Variants in TMEM117 observed in about 807,000 individuals in gnomAD.
The protein encoded by TMEM117 is transmembrane protein 117.
TMEM117 carries 27 observed loss-of-function variants against 52.4 expected under a neutral mutation model. The ratio of observed to expected loss-of-function variants is 0.51; its 90% confidence interval spans 0.38 to 0.71. TMEM117 has a LOEUF of 0.71. TMEM117 is among the 30% of genes least tolerant of loss of function. The pLI, the probability that TMEM117 is intolerant of heterozygous loss-of-function variation, is 0.00. For synonymous variants in TMEM117, 215 were observed against 206.3 expected, an observed-to-expected ratio of 1.04 and a Z score of -0.36; for missense variants, 556 against 630.5, an observed-to-expected ratio of 0.88 and a Z score of 1.26.
At chr12:44,231,350 A>G (rs1445080154) in intron 5 of TMEM117, among the ~76,000 whole-genome samples, 1 of 151,774 alleles carries the variant, frequency 6.6e-6, no homozygotes, top group Non-Finnish European at 1.5e-5. Flanking sequence ...ATTACATTGT[A>G]TGAACATAGC....
At chr12:44,280,048 A>G (rs1179585901) in intron 5 of TMEM117, among the ~76,000 whole-genome samples, 3 of 152,186 alleles carry the variant, frequency 2.0e-5, no homozygotes, top group Non-Finnish European at 4.4e-5. Context: ...AAAAGCAGTA[A>G]TATTCAAGAT....
chr12:44,069,737 T>G (rs1947273093), intron 3 of TMEM117, among the ~76,000 whole-genome samples: 1 of 152,218 alleles, frequency 6.6e-6, no homozygotes, highest in African/African-American at 2.4e-5. Flanking sequence ...AGGAATATAT[T>G]TGTCTGTAAG....
intron 6 of TMEM117, among the ~76,000 whole-genome samples, chr12:44,340,741 A>G (rs1194671325): frequency 1.3e-5 from 2 of 152,106 alleles, no homozygotes; most frequent in Admixed American, 6.6e-5. Flanking sequence ...ACAAGCATCT[A>G]TATGCTTACA....
At chr12:44,025,024 CA>C (rs1222719866) in intron 3 of TMEM117, among the ~76,000 whole-genome samples, 1 of 152,164 alleles carries the variant, frequency 6.6e-6, no homozygotes, top group East Asian at 1.9e-4. Flanking sequence ...TGCTCCACCA[CA>C]TACATAATAG....
intron 4 of TMEM117, among the ~76,000 whole-genome samples, chr12:44,156,883 T>G (rs1332920539): frequency 6.6e-6 from 1 of 152,074 alleles, no homozygotes; most frequent in Non-Finnish European, 1.5e-5. Context: ...CAGAGTTAAG[T>G]CTAGAACTTG....
chr12:44,352,927 T>C (rs1951586004), intron 6 of TMEM117, among the ~76,000 whole-genome samples: 1 of 152,120 alleles, frequency 6.6e-6, no homozygotes, highest in African/African-American at 2.4e-5. Context: ...GTTAAAGTGT[T>C]CCTATTTCTC....
chr12:43,883,235 T>C (rs1368065791), intron 2 of TMEM117, among the ~76,000 whole-genome samples: 1 of 152,168 alleles, frequency 6.6e-6, no homozygotes, highest in Admixed American at 6.5e-5. Context: ...TCTCAAGAAG[T>C]GATTTTAGTT....
At chr12:44,279,155 G>A (rs1294519634) in intron 5 of TMEM117, among the ~76,000 whole-genome samples, 2 of 152,152 alleles carry the variant, frequency 1.3e-5, no homozygotes, top group Non-Finnish European at 2.9e-5. Context: ...TAAAGTCAAA[G>A]TCAAAAGCTA....
At chr12:43,972,097 C>T (rs1945597331) in intron 3 of TMEM117, among the ~76,000 whole-genome samples, 1 of 152,152 alleles carries the variant, frequency 6.6e-6, no homozygotes, top group African/African-American at 2.4e-5. Flanking sequence ...GCCTAATAGG[C>T]ACAGCTGAAG....
intron 5 of TMEM117, among the ~76,000 whole-genome samples, chr12:44,214,168 A>G (rs1949685690): frequency 2.4e-5 from 3 of 122,886 alleles, no homozygotes; most frequent in South Asian, 5.6e-4. Flanking sequence ...TTTTTTTAAG[A>G]CAGAATCTCA....
intron 2 of TMEM117, among the ~76,000 whole-genome samples, chr12:43,861,195 G>A (rs771502484): frequency 6.6e-6 from 1 of 152,214 alleles, no homozygotes; most frequent in Non-Finnish European, 1.5e-5. Context: ...AGGCAGCCAT[G>A]TGGGGAAGTC....
intron 2 of TMEM117, among the ~76,000 whole-genome samples, chr12:43,894,965 A>G (rs1366352520): frequency 6.6e-6 from 1 of 152,174 alleles, no homozygotes; most frequent in Non-Finnish European, 1.5e-5. Flanking sequence ...CAATGGGTTT[A>G]TTAATTGTGA....
At chr12:44,220,168 T>C (rs910714923) in intron 5 of TMEM117, among the ~76,000 whole-genome samples, 9 of 152,294 alleles carry the variant, frequency 5.9e-5, no homozygotes, top group Admixed American at 3.9e-4. Flanking sequence ...TGAAGGGAAC[T>C]AGACATGCAC....
intron 7 of TMEM117, among the ~76,000 whole-genome samples, chr12:44,381,025 G>A (rs575331304): frequency 6.6e-6 from 1 of 152,092 alleles, no homozygotes; most frequent in Non-Finnish European, 1.5e-5. Flanking sequence ...TTCCAAGCTA[G>A]TTTTATTTAT....
chr12:44,306,226 C>T (rs1950901690), intron 6 of TMEM117, among the ~76,000 whole-genome samples: 1 of 151,960 alleles, frequency 6.6e-6, no homozygotes, highest in Admixed American at 6.6e-5. Flanking sequence ...CTTAGCATCA[C>T]ATAATATACC....
chr12:43,962,777 A>C (rs1642970399), intron 3 of TMEM117, among the ~76,000 whole-genome samples: 1 of 152,078 alleles, frequency 6.6e-6, no homozygotes, highest in African/African-American at 2.4e-5. Context: ...AAACAAAAAA[A>C]ATTAGCCAGG....
At chr12:44,289,702 G>A (rs751931261) in intron 5 of TMEM117, among the ~76,000 whole-genome samples, 19 of 151,786 alleles carry the variant, frequency 1.3e-4, no homozygotes, top group African/African-American at 4.1e-4. Context: ...GCAGGCGCCC[G>A]CCACCATGCC....
rs113400697 is a variant in TMEM117, at chr12:43,954,954, G to A, written c.410+10612G>A. On this transcript the variant is annotated intron_variant, in intron 3 of 7. Transcript: ENST00000266534. Reference sequence around the variant, plus strand: ...TATCCACCACGATCAAGTTGGCTTCGTCCCCAGGATGCAAGGCTGGTTCAA... The same window carrying A: ...TATCCACCACGATCAAGTTGGCTTCATCCCCAGGATGCAAGGCTGGTTCAA... Among the ~76,000 whole-genome samples, 1,394 of 152,186 alleles carry A rather than the reference G, an allele frequency of 9.2e-3. 30 individuals are homozygous for A. Among genetic ancestry groups the A allele is most frequent in the African/African-American group, 0.03 (1,245 of 41,540 alleles).
At chr12:44,228,052 G>GGGAA (rs1565614443) in intron 5 of TMEM117, among the ~76,000 whole-genome samples, 1 of 152,096 alleles carries the variant, frequency 6.6e-6, no homozygotes, top group Non-Finnish European at 1.5e-5. Flanking sequence ...GAGGGAGGGA[G>GGGAA]TGATAGGGGA....
Sources: allele counts gnomAD v4.1 joint callset (sites outside exome capture counted in the v4.1 genomes callset), GRCh38; gene constraint gnomAD v4.1.1; transcripts MANE v1.5; gene names NCBI Gene and HGNC (gene_info 2026-07-23, HGNC 2026-07-21).